Variants in ZC3H12B observed in about 807,000 individuals in gnomAD.
The protein encoded by ZC3H12B is zinc finger CCCH-type containing 12B.
In ZC3H12B, 7 loss-of-function variants were observed where a neutral mutation model predicts 43.9. That is an observed-to-expected ratio of 0.16 (90% CI 0.09 to 0.30). ZC3H12B has a LOEUF of 0.30. Among genes scored for constraint, ZC3H12B ranks in the 10% least tolerant of loss-of-function variants. ZC3H12B has a pLI of 1.00. For synonymous variants in ZC3H12B, 222 were observed against 241.7 expected, an observed-to-expected ratio of 0.92 and a Z score of 0.76; for missense variants, 475 against 670.2, an observed-to-expected ratio of 0.71 and a Z score of 3.22.
At chrX:65,350,739 AT>A in the ZC3H12B span, among the ~76,000 whole-genome samples, 2 of 111,778 alleles carry the variant, frequency 1.8e-5, no homozygotes, top group African/African-American at 6.5e-5. Context: ...AGAATATAAA[AT>A]ACATAGGAAT....
At chrX:65,427,421 T>A (rs2067097218) in intron 3 of ZC3H12B, among the ~76,000 whole-genome samples, 1 of 111,121 alleles carries the variant, frequency 9.0e-6, no homozygotes, top group South Asian at 3.9e-4. Flanking sequence ...CTCAGCCTCC[T>A]AGGTTCAAGA....
chrX:65,153,996 C>A, the ZC3H12B span, among the ~76,000 whole-genome samples: 6 of 110,784 alleles, frequency 5.4e-5, no homozygotes, highest in Non-Finnish European at 1.9e-5. Flanking sequence ...AACCAAACAC[C>A]GCATATTCTC....
chrX:65,127,785 A>T, the ZC3H12B span, among the ~76,000 whole-genome samples: 2 of 110,850 alleles, frequency 1.8e-5, no homozygotes, highest in Admixed American at 9.6e-5. Flanking sequence ...TAAGTCATAC[A>T]GTTGTCAGGA....
At chrX:65,179,689 A>C in the ZC3H12B span, among the ~76,000 whole-genome samples, 1 of 111,976 alleles carries the variant, frequency 8.9e-6, no homozygotes, top group African/African-American at 3.2e-5. Flanking sequence ...ACAAACTATC[A>C]TCAGAGAATA....
intron 3 of ZC3H12B, among the ~76,000 whole-genome samples, chrX:65,424,656 A>G (rs1218468803): frequency 8.9e-6 from 1 of 111,903 alleles, no homozygotes; most frequent in Non-Finnish European, 1.9e-5. Context: ...TGGTGTAAGG[A>G]GAGGGTCCTG....
the ZC3H12B span, among the ~76,000 whole-genome samples, chrX:65,311,994 G>C: frequency 9.0e-6 from 1 of 111,086 alleles, no homozygotes; most frequent in Non-Finnish European, 1.9e-5. Context: ...GGGCCTGTCT[G>C]GGAGTAGGGG....
At chrX:65,087,859 T>C in the ZC3H12B span, among the ~76,000 whole-genome samples, 17 of 111,989 alleles carry the variant, frequency 1.5e-4, no homozygotes, top group African/African-American at 5.2e-4. Flanking sequence ...ATACCGTGAG[T>C]TGAAACACAT....
the ZC3H12B span, among the ~76,000 whole-genome samples, chrX:65,160,774 G>T: frequency 3.1e-4 from 35 of 111,314 alleles, no homozygotes; most frequent in Non-Finnish European, 6.2e-4. Context: ...GTTCTGCTCT[G>T]ATTTTAGTTA....
At chrX:65,189,555 G>T in the ZC3H12B span, among the ~76,000 whole-genome samples, 7 of 108,430 alleles carry the variant, frequency 6.5e-5, no homozygotes, top group African/African-American at 2.4e-4. Flanking sequence ...CAGTGATGAT[G>T]AGCATTTTTT....
the ZC3H12B span, among the ~76,000 whole-genome samples, chrX:65,345,746 T>C: frequency 2.7e-5 from 3 of 111,799 alleles, no homozygotes; most frequent in African/African-American, 9.7e-5. Context: ...ACCAAAAATC[T>C]CTTAGAACTG....
At chrX:65,347,958 A>G in the ZC3H12B span, among the ~76,000 whole-genome samples, 1 of 111,956 alleles carries the variant, frequency 8.9e-6, no homozygotes, top group South Asian at 3.8e-4. Context: ...GAAGCTGGAA[A>G]CCAACATTCT....
chrX:65,056,536 C>T, the ZC3H12B span, among the ~76,000 whole-genome samples: 1 of 111,388 alleles, frequency 9.0e-6, no homozygotes, highest in African/African-American at 3.3e-5. Context: ...GGAATAAGTG[C>T]AGTGTGGTGC....
the ZC3H12B span, among the ~76,000 whole-genome samples, chrX:65,269,538 C>T: frequency 9.0e-6 from 1 of 110,598 alleles, no homozygotes; most frequent in South Asian, 3.8e-4. Context: ...TTTACTCTGT[C>T]ACTCAGGCTG....
chrX:65,052,020 G>A, the ZC3H12B span, among the ~76,000 whole-genome samples: 6 of 110,790 alleles, frequency 5.4e-5, no homozygotes, highest in African/African-American at 2.0e-4. Context: ...AGGAGTAGTT[G>A]GAGAAGTGTA....
chrX:65,371,729 TTAA>T (rs1333754332), intron 2 of ZC3H12B, among the ~76,000 whole-genome samples: 1 of 112,122 alleles, frequency 8.9e-6, no homozygotes, highest in Non-Finnish European at 1.9e-5. Context: ...GTAAAGCCCT[TTAA>T]TATCATTTGA....
the ZC3H12B span, among the ~76,000 whole-genome samples, chrX:65,287,996 A>ATATATATATATATATG: frequency 5.2e-4 from 55 of 106,454 alleles, no homozygotes; most frequent in African/African-American, 1.9e-3. Flanking sequence ...ATACATATAT[A>ATATATATATATATATG]TATATATATA....
At chrX:65,310,474 A>G in the ZC3H12B span, among the ~76,000 whole-genome samples, 4 of 111,931 alleles carry the variant, frequency 3.6e-5, no homozygotes, top group Non-Finnish European at 5.6e-5. Flanking sequence ...AAGGAGAACT[A>G]CAAACAACTG....
the ZC3H12B span, among the ~76,000 whole-genome samples, chrX:65,119,212 G>T: frequency 9.0e-6 from 1 of 111,467 alleles, no homozygotes; most frequent in African/African-American, 3.3e-5. Context: ...CTAGATCCCT[G>T]AGGAATCGCC....
At chrX:65,336,957 T>C in the ZC3H12B span, among the ~76,000 whole-genome samples, 1 of 112,039 alleles carries the variant, frequency 8.9e-6, no homozygotes, top group Non-Finnish European at 1.9e-5. Context: ...CCAAACCCAC[T>C]CTTAGCCAAA....
Sources: allele counts gnomAD v4.1 joint callset (sites outside exome capture counted in the v4.1 genomes callset), GRCh38; gene constraint gnomAD v4.1.1; transcripts MANE v1.5; gene names NCBI Gene and HGNC (gene_info 2026-07-23, HGNC 2026-07-21).